NEK1: variants seen among roughly 807,000 people sequenced by gnomAD.
The protein encoded by NEK1 is NIMA related kinase 1, also known as serine/threonine-protein kinase Nek1.
In NEK1, 137 loss-of-function variants were observed where a neutral mutation model predicts 182.1. The ratio of observed to expected loss-of-function variants is 0.75; its 90% CI spans 0.65 to 0.87. The LOEUF is 0.87. Ranked by LOEUF, NEK1 falls within the 40% of genes least tolerant of loss-of-function variation. The pLI is 0.00. For missense variants in NEK1, 1,391 were observed against 1,494.4 expected, an observed-to-expected ratio of 0.93 and a Z score of 1.14; for synonymous variants, 513 against 492.2, an observed-to-expected ratio of 1.04 and a Z score of -0.56.
At chr4:169,554,202 G>A (rs1177024926) in intron 18 of NEK1, 1 of 152,340 alleles carries the variant, frequency 6.6e-6, no homozygotes, top group Admixed American at 6.6e-5. Context: ...AGGACTGCTT[G>A]AACCCAGGAG....
intron 19 of NEK1, among the ~76,000 whole-genome samples, chr4:169,514,180 G>T (rs1754699102): frequency 6.6e-6 from 1 of 151,914 alleles, no homozygotes; most frequent in African/African-American, 2.4e-5. Context: ...TAGAGACAGG[G>T]TTTCACCATG....
chr4:169,556,917 G>A (rs1164290618), intron 16 of NEK1, among the ~76,000 whole-genome samples: 1 of 152,084 alleles, frequency 6.6e-6, no homozygotes, highest in African/African-American at 2.4e-5. Context: ...GAGGAAGGAA[G>A]TATGATGACA....
intron 23 of NEK1, among the ~76,000 whole-genome samples, chr4:169,489,073 C>G (rs532911565): frequency 6.6e-6 from 1 of 152,096 alleles, no homozygotes; most frequent in East Asian, 1.9e-4. Context: ...CATTTTTTTC[C>G]CACTATACCA....
chr4:169,536,623 A>G (rs1040123741), intron 19 of NEK1, among the ~76,000 whole-genome samples: 2 of 152,220 alleles, frequency 1.3e-5, no homozygotes, highest in East Asian at 3.8e-4. Flanking sequence ...TAAATCTTGG[A>G]AAGTTCCTCT....
intron 27 of NEK1, among the ~76,000 whole-genome samples, chr4:169,462,158 A>AT (rs60870273): frequency 0.2 from 29,696 of 151,870 alleles, 4,405 homozygotes; most frequent in African/African-American, 0.42. Context: ...AAAAATCTGA[A>AT]TTTTTTTCTC....
At chr4:169,564,293 A>T (rs1044927425) in intron 12 of NEK1, among the ~76,000 whole-genome samples, 3 of 151,922 alleles carry the variant, frequency 2.0e-5, no homozygotes, top group African/African-American at 4.8e-5. Flanking sequence ...GACATTACTT[A>T]AAAAAATTAC....
At chr4:169,592,733 A>T (rs1200245761) in intron 5 of NEK1, among the ~76,000 whole-genome samples, 1 of 151,720 alleles carries the variant, frequency 6.6e-6, no homozygotes, top group East Asian at 1.9e-4. Flanking sequence ...AGTTCTATAG[A>T]TATTTATTTA....
chr4:169,424,657 A>ATTC lies in NEK1; in HGVS notation c.3115_3117dup (p.Glu1039dup), dbSNP rs1736059186. ...TGCGAGTGAGATCGAAATGCAAAGG[A>ATTC]TTCTTCTGGTGAACACTGAACTGAT... On this transcript the variant is annotated inframe_insertion, in exon 31 of 36. Coordinates refer to ENST00000507142, the MANE Select transcript of NEK1 (RefSeq NM_001199397.3). 1.2e-6 allele frequency: 2 copies of ATTC among 1,613,806 alleles called. No homozygotes were observed. Among genetic ancestry groups the ATTC allele is most frequent in the Non-Finnish European group, 1.7e-6 (2 of 1,179,776 alleles).
chr4:169,510,523 CTTT>C (rs1561322741), intron 19 of NEK1, among the ~76,000 whole-genome samples: 6 of 152,110 alleles, frequency 3.9e-5, no homozygotes, highest in South Asian at 4.1e-4. Context: ...AGCCTCTCTT[CTTT>C]TGACTCTTAA....
At chr4:169,459,295 A>G (rs1284290239) in intron 27 of NEK1, among the ~76,000 whole-genome samples, 1 of 152,232 alleles carries the variant, frequency 6.6e-6, no homozygotes, top group East Asian at 1.9e-4. Flanking sequence ...GAGGTTCAAC[A>G]TCATATGTTA....
intron 31 of NEK1, among the ~76,000 whole-genome samples, chr4:169,423,791 A>G (rs1735889127): frequency 6.6e-6 from 1 of 152,192 alleles, no homozygotes; most frequent in East Asian, 1.9e-4. Flanking sequence ...CAATAGAAAA[A>G]GATTTGTAAA....
intron 24 of NEK1, 121 bp downstream of exon 24, chr4:169,479,282 G>T: frequency 2.0e-6 from 2 of 1,015,286 alleles, no homozygotes; most frequent in Non-Finnish European, 1.4e-6. Flanking sequence ...CCCTTAAAAA[G>T]TAATTTTTTT....
intron 31 of NEK1, among the ~76,000 whole-genome samples, chr4:169,407,853 GAAT>G (rs1048749487): frequency 5.4e-4 from 83 of 152,304 alleles, no homozygotes; most frequent in African/African-American, 2.0e-3. Context: ...CTGTTTTTGA[GAAT>G]AATGAAAAAG....
intron 31 of NEK1, among the ~76,000 whole-genome samples, chr4:169,418,536 G>A (rs1734920034): frequency 6.6e-6 from 1 of 151,950 alleles, no homozygotes; most frequent in Admixed American, 6.6e-5. Context: ...GGATAAACAC[G>A]AACATAATGT....
At chr4:169,604,262 A>G (rs1031690367) in intron 2 of NEK1, among the ~76,000 whole-genome samples, 1 of 152,222 alleles carries the variant, frequency 6.6e-6, no homozygotes, top group African/African-American at 2.4e-5. Flanking sequence ...CAATTGATTA[A>G]GGTCATTAGT....
At chr4:169,574,524 G>A (rs1765383371) in intron 12 of NEK1, among the ~76,000 whole-genome samples, 1 of 151,756 alleles carries the variant, frequency 6.6e-6, no homozygotes, top group Non-Finnish European at 1.5e-5. Flanking sequence ...GGAGAATGGC[G>A]TGAACCCGCG....
chr4:169,603,062 G>A (rs548656265), intron 2 of NEK1, among the ~76,000 whole-genome samples: 54 of 152,038 alleles, frequency 3.6e-4, no homozygotes, highest in Non-Finnish European at 6.8e-4. Flanking sequence ...TTCAACATTC[G>A]TTTAAAATGT....
intron 11 of NEK1, among the ~76,000 whole-genome samples, chr4:169,579,869 A>G (rs959290511): frequency 6.6e-6 from 1 of 152,040 alleles, no homozygotes; most frequent in African/African-American, 2.4e-5. Flanking sequence ...AAATGGGCTC[A>G]TTTTTATGAT....
intron 28 of NEK1, among the ~76,000 whole-genome samples, chr4:169,434,208 T>C (rs1247532698): frequency 6.8e-6 from 1 of 146,182 alleles, no homozygotes; most frequent in Non-Finnish European, 1.5e-5. Flanking sequence ...AATAGTTTTT[T>C]TTTTTTTTTT....
Sources: gnomAD v4.1 joint callset for allele counts (sites outside exome capture counted in the v4.1 genomes callset) on GRCh38, gnomAD v4.1.1 for gene constraint, MANE v1.5 for transcripts, NCBI Gene and HGNC (gene_info 2026-07-23, HGNC 2026-07-21) for gene names.